Variants in CSMD1 observed in about 807,000 individuals in gnomAD.
The protein encoded by CSMD1 is CUB and Sushi multiple domains 1, also known as CUB and sushi domain-containing protein 1.
A neutral mutation model predicts 417.5 loss-of-function variants in CSMD1; 213 were observed. The observed-to-expected ratio is 0.51, with a 90% CI of 0.46 to 0.57. The LOEUF (loss-of-function observed/expected upper bound fraction) is 0.57, where lower values mean the gene tolerates loss of function less well. Among genes scored for constraint, CSMD1 ranks in the 20% least tolerant of loss-of-function variants. The probability of loss-of-function intolerance (pLI) is 0.00; values close to 1 mark genes in which losing one functional copy is unlikely to be tolerated. For synonymous variants in CSMD1, 2,862 were observed against 1,736.8 expected, an observed-to-expected ratio of 1.65 and a Z score of -16.11; for missense variants, 6,923 against 4,529.7, an observed-to-expected ratio of 1.53 and a Z score of -15.17.
intron 21 of CSMD1, among the ~76,000 whole-genome samples, chr8:3,356,509 T>C (rs1480449320): frequency 1.3e-5 from 2 of 152,078 alleles, no homozygotes; most frequent in African/African-American, 2.4e-5. Flanking sequence ...ACCCCGTCTT[T>C]ACTAAAAATA....
intron 1 of CSMD1, among the ~76,000 whole-genome samples, chr8:4,757,959 CA>C (rs35869578): frequency 0.16 from 11,768 of 72,040 alleles, 336 homozygotes; most frequent in South Asian, 0.21. Flanking sequence ...GACTTTGTCT[CA>C]AAAAAAAAAA....
chr8:3,928,074 G>A (rs1809874003), intron 5 of CSMD1, among the ~76,000 whole-genome samples: 1 of 151,956 alleles, frequency 6.6e-6, no homozygotes, highest in Non-Finnish European at 1.5e-5. Flanking sequence ...CTTTATTCAA[G>A]GAGGCCTGAG....
chr8:4,282,914 G>A (rs992528033), intron 3 of CSMD1, among the ~76,000 whole-genome samples: 1 of 152,052 alleles, frequency 6.6e-6, no homozygotes, highest in Non-Finnish European at 1.5e-5. Context: ...ACAGTTCATT[G>A]CTGTATAAAC....
chr8:3,352,111 G>A (rs552624065), intron 21 of CSMD1, among the ~76,000 whole-genome samples: 7 of 152,176 alleles, frequency 4.6e-5, no homozygotes, highest in East Asian at 3.9e-4. Flanking sequence ...ACTTGACACC[G>A]CAGCCGTGTT....
chr8:4,330,553 G>T (rs113300898), intron 3 of CSMD1, among the ~76,000 whole-genome samples: 1 of 149,792 alleles, frequency 6.7e-6, no homozygotes, highest in African/African-American at 2.5e-5. Context: ...TCACACCACA[G>T]CACTTCAGCC....
At chr8:4,225,356 A>T (rs1801285092) in intron 3 of CSMD1, among the ~76,000 whole-genome samples, 1 of 152,170 alleles carries the variant, frequency 6.6e-6, no homozygotes, top group Non-Finnish European at 1.5e-5. Context: ...TAAAATATGT[A>T]ATTAACAATA....
intron 2 of CSMD1, among the ~76,000 whole-genome samples, chr8:4,570,073 G>C (rs1345604174): frequency 6.6e-6 from 1 of 152,156 alleles, no homozygotes; most frequent in Non-Finnish European, 1.5e-5. Flanking sequence ...ATACAATCAC[G>C]TCGTCTGCAA....
intron 5 of CSMD1, among the ~76,000 whole-genome samples, chr8:3,846,287 G>T (rs1219516321): frequency 1.3e-5 from 2 of 152,156 alleles, no homozygotes; most frequent in African/African-American, 4.8e-5. Flanking sequence ...CATGTCAATA[G>T]GTGATAGGAA....
intron 23 of CSMD1, among the ~76,000 whole-genome samples, chr8:3,340,125 C>T (rs531945505): frequency 1.3e-5 from 2 of 152,248 alleles, no homozygotes; most frequent in Admixed American, 6.5e-5. Flanking sequence ...CACCGAAAAT[C>T]GTTGAAAATA....
intron 4 of CSMD1, among the ~76,000 whole-genome samples, chr8:4,003,651 T>A (rs114977806): frequency 1.3e-5 from 2 of 152,142 alleles, no homozygotes; most frequent in African/African-American, 4.8e-5. Context: ...AATACATAAA[T>A]ACGAAGAGTA....
intron 56 of CSMD1, among the ~76,000 whole-genome samples, 187 bp downstream of exon 56, chr8:2,974,264 G>A (rs138799355): frequency 7.9e-4 from 121 of 152,356 alleles, no homozygotes; most frequent in Non-Finnish European, 8.1e-4. Flanking sequence ...GGTGTCTAAC[G>A]ATTATTGCGA....
chr8:4,283,421 C>T (rs920017646), intron 3 of CSMD1, among the ~76,000 whole-genome samples: 1 of 152,166 alleles, frequency 6.6e-6, no homozygotes, highest in South Asian at 2.1e-4. Context: ...ACATTCTTTT[C>T]ATCTGGGTAC....
chr8:4,896,567 C>A (rs952309772), intron 1 of CSMD1, among the ~76,000 whole-genome samples: 1 of 152,092 alleles, frequency 6.6e-6, no homozygotes, highest in South Asian at 2.1e-4. Context: ...TAACCTTACA[C>A]ATACTGATTT....
intron 3 of CSMD1, among the ~76,000 whole-genome samples, chr8:4,405,226 T>C (rs1804926059): frequency 6.6e-6 from 1 of 152,240 alleles, no homozygotes; most frequent in Admixed American, 6.5e-5. Flanking sequence ...CCCGTGGTTT[T>C]GCATCAATGG....
At position 3,394,045 on chromosome 8, in the gene CSMD1, T is replaced by C. The variant is rs1206527860; in HGVS notation, c.2593+2149A>G. ...ATATATATATATATATATATATATA[T>C]ATATATATATAGAAAAAAAGAAAAA... On this transcript the variant is annotated intron_variant, in intron 17 of 69. Transcript: ENST00000635120. Among the ~76,000 whole-genome samples, 2 of 117,466 alleles carry C rather than the reference T, an allele frequency of 1.7e-5. 1 individual carries two copies. 77.1% of individuals were successfully genotyped at this position (117,466 alleles called of 152,430 possible). A position where few individuals can be genotyped will look rare whatever the true frequency, so the allele number is the denominator to read the frequency against.
At chr8:4,748,356 T>C (rs772026998) in intron 1 of CSMD1, among the ~76,000 whole-genome samples, 4 of 152,256 alleles carry the variant, frequency 2.6e-5, no homozygotes, top group Non-Finnish European at 5.9e-5. Flanking sequence ...ATTTGTTTTC[T>C]TAGCATGGTT....
chr8:4,568,734 C>G (rs981527429), intron 2 of CSMD1, among the ~76,000 whole-genome samples: 1 of 152,142 alleles, frequency 6.6e-6, no homozygotes, highest in African/African-American at 2.4e-5. Context: ...TACACTCCCA[C>G]CAACAGTGTA....
At chr8:4,449,368 T>C (rs536293374) in intron 2 of CSMD1, among the ~76,000 whole-genome samples, 1 of 152,312 alleles carries the variant, frequency 6.6e-6, no homozygotes, top group South Asian at 2.1e-4. Context: ...TTTTCCAGAA[T>C]GATTCTGGTG....
At chr8:4,420,989 C>T (rs1014236995) in intron 2 of CSMD1, among the ~76,000 whole-genome samples, 1 of 152,130 alleles carries the variant, frequency 6.6e-6, no homozygotes, top group Non-Finnish European at 1.5e-5. Flanking sequence ...TTGTATTCAT[C>T]TTTGTAAACT....
Sources: allele counts gnomAD v4.1 joint callset (sites outside exome capture counted in the v4.1 genomes callset), GRCh38; gene constraint gnomAD v4.1.1; transcripts MANE v1.5; gene names NCBI Gene and HGNC (gene_info 2026-07-23, HGNC 2026-07-21).